CA1: variants seen among roughly 807,000 people sequenced by gnomAD.
CA1 encodes the protein carbonic anhydrase 1, also known as carbonate dehydratase I.
In CA1, 27 loss-of-function variants were observed where a neutral mutation model predicts 28.8. The ratio of observed to expected loss-of-function variants is 0.94; its 90% CI spans 0.69 to 1.29. CA1 has a LOEUF of 1.29. Among genes scored for constraint, CA1 ranks in the 50% most tolerant of loss-of-function variants. CA1 has a pLI of 0.00. For synonymous variants in CA1, 121 were observed against 108.8 expected (o/e 1.11, Z -0.70); for missense variants, 335 against 310.5 (o/e 1.08, Z -0.59).
intron 2 of CA1, among the ~76,000 whole-genome samples, chr8:85,339,833 C>G (rs1288243480): frequency 6.6e-6 from 1 of 152,214 alleles, no homozygotes; most frequent in African/African-American, 2.4e-5. Context: ...CAACCACATT[C>G]CCTTAAGCCG....
At chr8:85,356,813 C>T (rs1019739498) in intron 1 of CA1, among the ~76,000 whole-genome samples, 4 of 152,082 alleles carry the variant, frequency 2.6e-5, no homozygotes, top group African/African-American at 7.2e-5. Context: ...AGATGAATCT[C>T]CTAAATTATT....
intron 1 of CA1, among the ~76,000 whole-genome samples, chr8:85,370,384 C>A (rs1279491245): frequency 6.6e-6 from 1 of 152,066 alleles, no homozygotes; most frequent in Admixed American, 6.6e-5. Flanking sequence ...TGAATCAAAA[C>A]CCTCTAAACT....
chr8:85,338,090 A>T (rs890218767), intron 3 of CA1, 162 bp downstream of exon 3: 12 of 740,888 alleles, frequency 1.6e-5, no homozygotes, highest in Non-Finnish European at 2.4e-5. Flanking sequence ...TGTCTTTACC[A>T]CCTGGGCGTT....
intron 1 of CA1, among the ~76,000 whole-genome samples, chr8:85,354,646 C>T (rs1187697047): frequency 1.3e-5 from 2 of 152,098 alleles, no homozygotes; most frequent in Non-Finnish European, 2.9e-5. Context: ...TCTTTCAAGG[C>T]GGGGAACCAG....
At chr8:85,368,288 C>A (rs1367852493) in intron 1 of CA1, among the ~76,000 whole-genome samples, 2 of 152,044 alleles carry the variant, frequency 1.3e-5, no homozygotes, top group Non-Finnish European at 2.9e-5. Context: ...TTGCCTCAGT[C>A]TCCTGAGTAG....
At chr8:85,339,215 A>G (rs954188275) in intron 2 of CA1, among the ~76,000 whole-genome samples, 1 of 152,110 alleles carries the variant, frequency 6.6e-6, no homozygotes, top group Non-Finnish European at 1.5e-5. Flanking sequence ...ATTTGTAGCA[A>G]CCTTGCATCA....
At chr8:85,332,590 A>G (rs759498250) in intron 5 of CA1, 38 bp from the exon 6 acceptor site, 1 of 1,481,092 alleles carries the variant, frequency 6.8e-7, no homozygotes, top group Non-Finnish European at 9.4e-7. Flanking sequence ...GATAAAGATT[A>G]TTATCAATCG....
intron 1 of CA1, among the ~76,000 whole-genome samples, chr8:85,376,390 G>A (rs1038774327): frequency 5.3e-5 from 8 of 151,680 alleles, no homozygotes; most frequent in Non-Finnish European, 1.2e-4. Flanking sequence ...GGCCGGGCAC[G>A]GTGCCTCACA....
At chr8:85,329,478 A>AT (rs1201162770) in intron 7 of CA1, among the ~76,000 whole-genome samples, 5 of 150,972 alleles carry the variant, frequency 3.3e-5, no homozygotes, top group Non-Finnish European at 7.4e-5. Context: ...GGCGGGAGTC[A>AT]TTTTTTTTCT....
intron 1 of CA1, among the ~76,000 whole-genome samples, chr8:85,343,669 C>T (rs1496530): frequency 0.61 from 92,047 of 151,920 alleles, 28,237 homozygotes; most frequent in African/African-American, 0.63. Flanking sequence ...CATTACACGA[C>T]TATGTGATGA....
intron 1 of CA1, among the ~76,000 whole-genome samples, chr8:85,371,414 G>A (rs1305078658): frequency 2.2e-5 from 2 of 90,344 alleles, no homozygotes; most frequent in Non-Finnish European, 4.2e-5. Flanking sequence ...TCTCAGGTGT[G>A]TGTGCGTATA....
intron 1 of CA1, 29 bp from the exon 2 acceptor site, chr8:85,341,688 C>T: frequency 5.1e-6 from 6 of 1,177,394 alleles, no homozygotes; most frequent in Non-Finnish European, 7.7e-6. Context: ...CCTGGAATAA[C>T]TAACTGCAAC....
At chr8:85,355,892 T>G (rs1435662437) in intron 1 of CA1, among the ~76,000 whole-genome samples, 1 of 152,044 alleles carries the variant, frequency 6.6e-6, no homozygotes, top group African/African-American at 2.4e-5. Context: ...AACCTCAGCC[T>G]GCCATGACTT....
chr8:85,363,951 G>A lies in CA1; in HGVS notation c.-25+14095C>T, dbSNP rs181056034. On this transcript the variant is annotated intron_variant, in intron 1 of 7. Transcript: ENST00000523022. ...TTATACTGTTTATTTTGTAAAGCAG[G>A]ACTATATGTTGTCCCCAAATTTCTT... is the stretch of plus-strand genomic sequence containing the variant. Among the ~76,000 whole-genome samples, 736 of 152,034 alleles carry A rather than the reference G, an allele frequency of 4.8e-3. 2 individuals carry two copies. The highest frequency in any genetic ancestry group is 9.1e-3 in the Non-Finnish European group (617 of 67,958).
rs200555987 is a variant in CA1 at position 85,329,826 on chromosome 8, T to G, written c.532A>C (p.Thr178Pro). The change falls in exon 7 of 8, where the codon ACA becomes CCA. Residue 178 changes from threonine to proline, a missense_variant. Transcript: ENST00000523022. ...IKTKGKRAPF[T>P]NFDPSTLLPS... ...AGGAGAGTAGAGGGGTCAAAATTTG[T>G]GAATGGGGCTCGTTTGCCCTGGAAG... is the stretch of plus-strand genomic sequence containing the variant. 1.9e-6 allele frequency: 3 copies of G among 1,594,812 alleles called. No homozygotes were observed. In the African/African-American group the frequency reaches 4.0e-5, roughly 21 times the overall value.
At position 85,333,636 on chromosome 8, in the gene CA1, T is replaced by C; in HGVS notation, c.355-16A>G. On this transcript the variant is annotated splice_polypyrimidine_tract_variant and intron_variant, in intron 4 of 7. Transcript: ENST00000523022. Reference sequence around the variant, plus strand: ...CTACGTGAAGCTAAAAATGATACTATGGTTAATTAATTATTTATACCAGTG... The same window carrying C: ...CTACGTGAAGCTAAAAATGATACTACGGTTAATTAATTATTTATACCAGTG... The C allele has an allele frequency of 6.6e-7, 1 of 1,505,734 alleles. No homozygotes were observed. Among genetic ancestry groups the C allele is most frequent in the Non-Finnish European group, 9.2e-7 (1 of 1,083,304 alleles). 93.3% of individuals were successfully genotyped at this position (1,505,734 alleles called of 1,614,324 possible).
intron 3 of CA1, among the ~76,000 whole-genome samples, chr8:85,337,574 A>G (rs983990292): frequency 5.3e-5 from 8 of 152,158 alleles, no homozygotes; most frequent in African/African-American, 1.9e-4. Flanking sequence ...CCAGTGGGGC[A>G]GTGGGGCACT....
chr8:85,360,615 C>G (rs892973585), intron 1 of CA1, among the ~76,000 whole-genome samples: 5 of 152,146 alleles, frequency 3.3e-5, no homozygotes, highest in Admixed American at 1.3e-4. Context: ...ATTGCTTGAG[C>G]CTGGGAGGTC....
At chr8:85,375,526 A>T (rs1236221102) in intron 1 of CA1, among the ~76,000 whole-genome samples, 1 of 152,190 alleles carries the variant, frequency 6.6e-6, no homozygotes, top group African/African-American at 2.4e-5. Context: ...TTGAAAAAAA[A>T]AAAAGATTAG....
Sources: allele counts gnomAD v4.1 joint callset (sites outside exome capture counted in the v4.1 genomes callset), GRCh38; gene constraint gnomAD v4.1.1; transcripts MANE v1.5; gene names NCBI Gene and HGNC (gene_info 2026-07-23, HGNC 2026-07-21).